CNTFR: variants seen among roughly 807,000 people sequenced by gnomAD.
CNTFR encodes ciliary neurotrophic factor receptor subunit alpha.
CNTFR carries 12 observed loss-of-function variants against 40.4 expected under a neutral mutation model. The ratio of observed to expected loss-of-function variants is 0.30; its 90% CI spans 0.19 to 0.48. The LOEUF (loss-of-function observed/expected upper bound fraction) is 0.48, where lower values mean the gene tolerates loss of function less well. Among genes scored for constraint, CNTFR ranks in the 20% least tolerant of loss-of-function variants. The pLI is 0.99. For synonymous variants in CNTFR, 202 were observed against 209.6 expected (o/e 0.96, Z 0.31); for missense variants, 414 against 506.8 (o/e 0.82, Z 1.76).
intron 7 of CNTFR, among the ~76,000 whole-genome samples, chr9:34,554,292 C>T (rs1825749079): frequency 6.6e-6 from 1 of 152,130 alleles, no homozygotes; most frequent in Non-Finnish European, 1.5e-5. Context: ...AGGATTAGAC[C>T]GCAGATCTCC....
chr9:34,553,754 T>C (rs1466894815), intron 7 of CNTFR, among the ~76,000 whole-genome samples: 1 of 152,192 alleles, frequency 6.6e-6, no homozygotes, highest in Non-Finnish European at 1.5e-5. Flanking sequence ...AGCCTGCCTG[T>C]CCGGCGCCCC....
Position 34,568,959 on chromosome 9 carries a change from G to A in CNTFR, c.23C>T (p.Ala8Val). 1.9e-6 allele frequency: 3 copies of A among 1,599,160 alleles called. No individual in the cohort carries two copies. Among genetic ancestry groups the A allele is most frequent in the Admixed American group, 3.4e-5 (2 of 58,236 alleles). Residue 8 changes from alanine (A) to valine (V), a missense_variant, in exon 3 of 10, where the codon GCC becomes GTC. Ala to Val is a moderately conservative substitution (Grantham distance 64). This residue lies in a region of CNTFR where 250 missense variants were observed against 269.5 expected (regional missense o/e 0.93). Transcript: ENST00000378980. The part of the protein sequence containing the change: MAAPVPW[A>V]CCAVLAAAAA... ...GGCGGCGGCAAGCACAGCACAGCAGGCCCACGGGACAGGAGCAGCCATCTG... is the reference window on the plus strand; with the variant it reads ...GGCGGCGGCAAGCACAGCACAGCAGACCCACGGGACAGGAGCAGCCATCTG...
intron 3 of CNTFR, among the ~76,000 whole-genome samples, chr9:34,566,515 A>T (rs1826301473): frequency 6.6e-6 from 1 of 151,986 alleles, no homozygotes; most frequent in Non-Finnish European, 1.5e-5. Flanking sequence ...AGCGCCCCCA[A>T]CAGTCCACCA....
Position 34,589,287 on chromosome 9 carries a change from C to A in CNTFR, c.-112+268G>T, listed in dbSNP as rs1827678318. Among the ~76,000 whole-genome samples, 1 of 152,130 alleles carries A rather than the reference C, an allele frequency of 6.6e-6. No homozygotes were observed. The highest frequency in any genetic ancestry group is 2.1e-4 in the South Asian group (1 of 4,830). The stretch of plus-strand genomic sequence containing the variant: ...GGGAGAACAGGGACACTAGGACAAA[C>A]CGCCGGAGCCACCTCCCTCTAGTCC... On this transcript the variant is annotated intron_variant, in intron 1 of 9. Transcript: ENST00000378980. This position sits in a 1 kb window ranked among gnomAD's most constrained non-coding sequence, Gnocchi z 4.4.
chr9:34,587,355 G>A (rs1207152885), intron 1 of CNTFR, among the ~76,000 whole-genome samples: 1 of 152,138 alleles, frequency 6.6e-6, no homozygotes, highest in African/African-American at 2.4e-5. Flanking sequence ...ACCCTTGTAA[G>A]TCTAAGTGTG....
intron 4 of CNTFR, among the ~76,000 whole-genome samples, chr9:34,559,732 C>G (rs1825991921): frequency 6.6e-6 from 1 of 152,080 alleles, no homozygotes; most frequent in Admixed American, 6.5e-5. Flanking sequence ...GGCCGAGAAG[C>G]CTCCACTCCC....
At chr9:34,571,447 T>G (rs903151408) in intron 2 of CNTFR, 3 of 152,230 alleles carry the variant, frequency 2.0e-5, no homozygotes, top group African/African-American at 7.2e-5. Flanking sequence ...TGGCTGAGGT[T>G]AGATCCAAGG....
intron 7 of CNTFR, among the ~76,000 whole-genome samples, chr9:34,555,908 C>G (rs1484375904): frequency 7.7e-6 from 1 of 130,358 alleles, no homozygotes; most frequent in Non-Finnish European, 1.6e-5. Flanking sequence ...CCCCCGCCAT[C>G]TCCCTCCCCT....
At chr9:34,585,078 G>C (rs1477138690) in intron 1 of CNTFR, among the ~76,000 whole-genome samples, 1 of 152,106 alleles carries the variant, frequency 6.6e-6, no homozygotes, top group African/African-American at 2.4e-5. Flanking sequence ...CACTGTACAG[G>C]GAGCCAGGCA....
At chr9:34,566,311 A>G (rs1244811279) in intron 3 of CNTFR, among the ~76,000 whole-genome samples, 2 of 152,016 alleles carry the variant, frequency 1.3e-5, no homozygotes, top group Admixed American at 6.6e-5. Context: ...TGTCCCTGTC[A>G]GAGAAGAAGG....
chr9:34,584,067 G>A (rs1827442569), intron 1 of CNTFR, among the ~76,000 whole-genome samples: 1 of 152,208 alleles, frequency 6.6e-6, no homozygotes, highest in Non-Finnish European at 1.5e-5. Context: ...GAGGAGGGCA[G>A]TGGCTCAGAA....
intron 3 of CNTFR, among the ~76,000 whole-genome samples, chr9:34,565,643 C>T (rs559741994): frequency 1.3e-5 from 2 of 152,210 alleles, no homozygotes; most frequent in African/African-American, 2.4e-5. Flanking sequence ...AGCGGCCTGT[C>T]AGAGCCAAAA....
chr9:34,583,085 T>C (rs1827387393), intron 1 of CNTFR, among the ~76,000 whole-genome samples: 1 of 152,026 alleles, frequency 6.6e-6, no homozygotes, highest in African/African-American at 2.4e-5. Flanking sequence ...CCCCAGCCCT[T>C]CTTCCTGTTT....
chr9:34,566,234 T>C (rs915592385), intron 3 of CNTFR, among the ~76,000 whole-genome samples: 1 of 152,140 alleles, frequency 6.6e-6, no homozygotes, highest in African/African-American at 2.4e-5. Flanking sequence ...TCGTCCTCGC[T>C]GTGCCAGGGT....
rs78417898 is a variant in CNTFR, at chr9:34,557,905, G to A, written c.399C>T (p.Thr133=). The A allele has an allele frequency of 2.3e-3, 3,636 of 1,574,214 alleles. 105 individuals are homozygous for A. In the East Asian group the frequency reaches 0.066, roughly 29 times the overall value. The stretch of plus-strand genomic sequence containing the variant: ...TGAAGGTGTTGGGAATGTAGGTGGG[G>A]GTGGGCAGATGCCAGCTGCAGTAGA... ...KGFYCSWHLP[T]PTYIPNTFNV... is the part of the protein sequence containing the mutation. The change falls in exon 5 of 10, where the codon ACC becomes ACT. Residue 133 remains threonine (T), a synonymous_variant. Transcript: ENST00000378980. The surrounding 1 kb of genome is among the most constrained non-coding windows in gnomAD (Gnocchi z 4.2).
chr9:34,571,106 TCA>T (rs2132196504), intron 2 of CNTFR, among the ~76,000 whole-genome samples: 1 of 152,148 alleles, frequency 6.6e-6, no homozygotes, highest in East Asian at 1.9e-4. Context: ...CCTCAGCCCC[TCA>T]CCACTCTTCA....
At chr9:34,575,195 T>A (rs1337475042) in intron 2 of CNTFR, among the ~76,000 whole-genome samples, 3 of 152,192 alleles carry the variant, frequency 2.0e-5, no homozygotes, top group African/African-American at 7.2e-5. Flanking sequence ...CCTGAGGTAC[T>A]GGTGCCAAAT....
intron 4 of CNTFR, among the ~76,000 whole-genome samples, chr9:34,562,566 T>A (rs1826116501): frequency 6.6e-6 from 1 of 152,204 alleles, no homozygotes; most frequent in Non-Finnish European, 1.5e-5. Flanking sequence ...TACACAGTGT[T>A]CTACACCAGT....
chr9:34,566,209 G>T (rs748440470), intron 3 of CNTFR, among the ~76,000 whole-genome samples: 3 of 151,992 alleles, frequency 2.0e-5, no homozygotes, highest in Non-Finnish European at 4.4e-5. Flanking sequence ...CATCTGTCCC[G>T]GTTTGCTGCC....
Sources: gnomAD v4.1 joint callset for allele counts (sites outside exome capture counted in the v4.1 genomes callset) on GRCh38, gnomAD v4.1.1 for gene constraint, gnomAD v4.1.1 regional missense constraint, Gnocchi (gnomAD v3.1) non-coding constraint, MANE v1.5 for transcripts, NCBI Gene and HGNC (gene_info 2026-07-23, HGNC 2026-07-21) for gene names.